The following N4BP2L2 variants were observed in gnomAD, a reference collection of about 807,000 sequenced individuals.
The protein encoded by N4BP2L2 is NEDD4 binding protein 2 like 2, also known as NEDD4-binding protein 2-like 2.
Under a neutral mutation model 56.2 loss-of-function variants are expected in N4BP2L2, and 50 were observed. The ratio of observed to expected loss-of-function variants is 0.89; its 90% CI spans 0.71 to 1.13. The LOEUF is 1.13. N4BP2L2 is among the 50% of genes most tolerant of loss of function. The pLI, the probability that N4BP2L2 is intolerant of heterozygous loss-of-function variation, is 0.00. For synonymous variants in N4BP2L2, 203 were observed against 223.6 expected (o/e 0.91, Z 0.82); for missense variants, 689 against 693.8 (o/e 0.99, Z 0.08).
intron 6 of N4BP2L2, among the ~76,000 whole-genome samples, chr13:32,487,468 T>TA (rs372995200): frequency 0.091 from 10,536 of 116,334 alleles, 511 homozygotes; most frequent in East Asian, 0.22. Flanking sequence ...GACCCTGTCT[T>TA]AAAAAAAAAA....
intron 6 of N4BP2L2, among the ~76,000 whole-genome samples, chr13:32,457,755 A>G (rs972136496): frequency 4.6e-5 from 7 of 152,248 alleles, no homozygotes; most frequent in Admixed American, 3.9e-4. Context: ...GTGAAAGGAC[A>G]GTATCTACCA....
At chr13:32,527,242 G>A (rs1235567914) in intron 3 of N4BP2L2, 166 bp downstream of exon 3, 4 of 668,884 alleles carry the variant, frequency 6.0e-6, no homozygotes, top group Non-Finnish European at 7.3e-6. Context: ...GGTAGGGCAA[G>A]TATAATTATC....
chr13:32,532,727 A>C (rs1461053493), intron 2 of N4BP2L2, among the ~76,000 whole-genome samples: 1 of 151,080 alleles, frequency 6.6e-6, no homozygotes, highest in African/African-American at 2.4e-5. Flanking sequence ...AGTAGCTGGG[A>C]CTACAGGCAC....
At chr13:32,434,567 C>A (rs1593355118) in intron 9 of N4BP2L2, among the ~76,000 whole-genome samples, 2 of 152,242 alleles carry the variant, frequency 1.3e-5, no homozygotes, top group East Asian at 1.9e-4. Context: ...TCCTAGCACC[C>A]TGCCCCACTG....
intron 6 of N4BP2L2, among the ~76,000 whole-genome samples, chr13:32,465,475 G>A (rs1055447281): frequency 1.3e-5 from 2 of 151,962 alleles, no homozygotes; most frequent in African/African-American, 4.8e-5. Flanking sequence ...TTTTTTGACT[G>A]TTACTCAAAA....
intron 6 of N4BP2L2, among the ~76,000 whole-genome samples, chr13:32,455,776 G>A (rs941764565): frequency 1.4e-4 from 22 of 151,992 alleles, no homozygotes; most frequent in African/African-American, 5.3e-4. Context: ...ATCCACCACT[G>A]GCGGGATCTC....
At chr13:32,506,372 A>G (rs1198315897), downstream of N4BP2L2, 1 of 152,120 alleles carries the variant, frequency 6.6e-6, no homozygotes, top group African/African-American at 2.4e-5. Context: ...TCAGTGTATC[A>G]GTTGGGTGTC....
intron 9 of N4BP2L2, chr13:32,436,232 T>A (rs1261255051): frequency 2.5e-5 from 11 of 441,828 alleles, no homozygotes; most frequent in Admixed American, 4.5e-5. Flanking sequence ...GTTGCTATGG[T>A]AACAAACTTC....
intron 6 of N4BP2L2, among the ~76,000 whole-genome samples, chr13:32,494,365 T>C (rs35653298): frequency 0.015 from 2,342 of 152,306 alleles, 24 homozygotes; most frequent in Non-Finnish European, 0.022. Context: ...ACCATTTTTT[T>C]AGCATGTTAA....
intron 6 of N4BP2L2, chr13:32,446,541 T>C (rs1041078197): frequency 2.3e-6 from 3 of 1,289,454 alleles, no homozygotes; most frequent in African/African-American, 3.0e-5. Context: ...TTCATTCGAT[T>C]AAATGGTAAA....
intron 6 of N4BP2L2, among the ~76,000 whole-genome samples, chr13:32,454,291 G>T (rs2138550642): frequency 6.6e-6 from 1 of 152,292 alleles, no homozygotes; most frequent in African/African-American, 2.4e-5. Context: ...GGAAACGTCT[G>T]TTGAATCACT....
chr13:32,452,915 T>C (rs1054294303), intron 6 of N4BP2L2, among the ~76,000 whole-genome samples: 2 of 151,902 alleles, frequency 1.3e-5, no homozygotes, highest in East Asian at 1.9e-4. Flanking sequence ...TCAGACAAAA[T>C]AGAAAAGGAA....
intron 6 of N4BP2L2, among the ~76,000 whole-genome samples, chr13:32,486,938 G>A (rs907370664): frequency 3.3e-5 from 5 of 152,110 alleles, no homozygotes; most frequent in African/African-American, 4.8e-5. Context: ...GACGGAGGTT[G>A]CAGTGAGCCG....
chr13:32,512,564 GAAGA>G (rs1171972148), exon 6 of N4BP2L2: 1 of 152,160 alleles, frequency 6.6e-6, no homozygotes, highest in Non-Finnish European at 1.5e-5. Context: ...GAAGGAGAAG[GAAGA>G]AAAAGAGATT....
intron 7 of N4BP2L2, among the ~76,000 whole-genome samples, chr13:32,439,503 C>T (rs942891874): frequency 6.6e-6 from 1 of 152,074 alleles, no homozygotes. Context: ...GCATCATAGA[C>T]CCCTCTGAGG....
chr13:32,444,549 G>A (rs544093310), intron 6 of N4BP2L2, among the ~76,000 whole-genome samples: 2 of 152,338 alleles, frequency 1.3e-5, no homozygotes, highest in South Asian at 4.1e-4. Context: ...TTACAGGCAT[G>A]AGCCACTGCG....
rs1433297996 is a variant in N4BP2L2, at chr13:32,521,675, GA to G, written c.1474-227del. 96 of 432,750 alleles carry G rather than the reference GA, an allele frequency of 2.2e-4. 3 individuals carry two copies. The South Asian group carries it at 3.6e-3, about 16-fold the overall frequency. The allele number at this position is 432,750 out of a possible 1,614,324, so 26.8% of individuals were successfully genotyped here. On this transcript the variant is annotated intron_variant, in intron 4 of 5. Coordinates refer to ENST00000267068, the Ensembl canonical transcript of N4BP2L2. The stretch of plus-strand genomic sequence containing the variant: ...ATTCCTTAAGATTACTATCCTTAAG[GA>G]AAGTCAAAACAATATGAGGCTGGGC...
chr13:32,535,372 G>A (rs562295572), intron 2 of N4BP2L2, among the ~76,000 whole-genome samples: 8 of 152,266 alleles, frequency 5.3e-5, no homozygotes, highest in African/African-American at 1.7e-4. Context: ...ATAATTATAC[G>A]TAGTGTTATC....
chr13:32,517,635 T>C (rs1056565519), exon 6 of N4BP2L2: 221 of 1,401,470 alleles, frequency 1.6e-4, no homozygotes, highest in Non-Finnish European at 2.0e-4. Context: ...ATTTCATATA[T>C]TTTTATTTAC....
Sources: gnomAD v4.1 joint callset for allele counts (sites outside exome capture counted in the v4.1 genomes callset) on GRCh38, gnomAD v4.1.1 for gene constraint, MANE v1.5 for transcripts, NCBI Gene and HGNC (gene_info 2026-07-23, HGNC 2026-07-21) for gene names.